NRG1: variants seen among roughly 807,000 people sequenced by gnomAD.
The protein encoded by NRG1 is neuregulin 1, also known as pro-neuregulin-1, membrane-bound isoform.
Under a neutral mutation model 63.8 loss-of-function variants are expected in NRG1, and 18 were observed. The ratio of observed to expected loss-of-function variants is 0.28; its 90% CI spans 0.19 to 0.42. The LOEUF (loss-of-function observed/expected upper bound fraction) is 0.42, where lower values mean the gene tolerates loss of function less well. Ranked by LOEUF, NRG1 falls within the 10% of genes least tolerant of loss-of-function variation. The probability of loss-of-function intolerance (pLI) is 1.00; values close to 1 mark genes in which losing one functional copy is unlikely to be tolerated. For synonymous variants in NRG1, 302 were observed against 301.3 expected, an observed-to-expected ratio of 1.00 and a Z score of -0.02; for missense variants, 762 against 814.7, an observed-to-expected ratio of 0.94 and a Z score of 0.79.
chr8:31,739,743 G>T (rs116990959), intron 1 of NRG1, among the ~76,000 whole-genome samples: 1 of 152,036 alleles, frequency 6.6e-6, no homozygotes, highest in Admixed American at 6.6e-5. Context: ...TTTGATGCTC[G>T]TGTTGTCAGT....
chr8:32,571,540 C>A (rs188296510), intron 1 of NRG1, among the ~76,000 whole-genome samples: 2 of 151,932 alleles, frequency 1.3e-5, no homozygotes, highest in South Asian at 2.1e-4. Flanking sequence ...CCTTCATGTA[C>A]GAATTTTAGA....
chr8:32,104,059 A>G lies in NRG1; in HGVS notation c.37+464628A>G, dbSNP rs527569558. ...ACATGTGGTGCTTAACGACAGGGAT[A>G]CTTTGATAAATGCATTATTAGACTA... On this transcript the variant is annotated intron_variant, in intron 1 of 10. Transcript: ENST00000519301. Among the ~76,000 whole-genome samples the G allele has an allele frequency of 3.9e-5, 6 of 152,300 alleles. No individual in the cohort carries two copies. In the South Asian group the frequency reaches 8.3e-4, roughly 21 times the overall value.
chr8:32,265,982 G>A (rs532088086), intron 1 of NRG1, among the ~76,000 whole-genome samples: 3 of 152,228 alleles, frequency 2.0e-5, no homozygotes, highest in Non-Finnish European at 4.4e-5. Context: ...CAAATACTAC[G>A]CCGTTTTACA....
intron 1 of NRG1, among the ~76,000 whole-genome samples, chr8:31,779,240 G>A (rs1309904348): frequency 6.6e-6 from 1 of 152,120 alleles, no homozygotes; most frequent in Non-Finnish European, 1.5e-5. Flanking sequence ...TGCTATGTGT[G>A]CAAAGGACCT....
intron 1 of NRG1, among the ~76,000 whole-genome samples, chr8:32,256,100 C>T (rs2129471125): frequency 6.6e-6 from 1 of 152,226 alleles, no homozygotes; most frequent in South Asian, 2.1e-4. Context: ...TTCTAGTAAG[C>T]AATTCCTCTA....
At chr8:32,011,089 G>A (rs930344078) in intron 1 of NRG1, among the ~76,000 whole-genome samples, 3 of 152,060 alleles carry the variant, frequency 2.0e-5, no homozygotes, top group African/African-American at 7.2e-5. Flanking sequence ...GGTGGGAAAT[G>A]GCAGACACAT....
intron 1 of NRG1, among the ~76,000 whole-genome samples, chr8:32,169,658 C>T (rs923026889): frequency 2.6e-5 from 4 of 152,138 alleles, no homozygotes; most frequent in African/African-American, 9.7e-5. Context: ...TTAATTCTAA[C>T]TAAAAGCCCA....
chr8:32,271,183 A>G (rs917586654), intron 1 of NRG1, among the ~76,000 whole-genome samples: 9 of 152,174 alleles, frequency 5.9e-5, no homozygotes, highest in Admixed American at 5.9e-4. Flanking sequence ...GCGTGAATAT[A>G]TATGCCACAG....
chr8:31,850,443 G>A (rs1827103803), intron 1 of NRG1, among the ~76,000 whole-genome samples: 1 of 152,048 alleles, frequency 6.6e-6, no homozygotes, highest in Non-Finnish European at 1.5e-5. Flanking sequence ...GTGACCTGAG[G>A]GTCCATGGCA....
In NRG1 at chr8:31,794,984, G is replaced by A. The variant is rs1311977327; in HGVS notation, c.37+155553G>A. 2.0e-5 allele frequency among the ~76,000 whole-genome samples: 3 copies of A among 152,084 alleles called. No individual in the cohort carries two copies. In the East Asian group the frequency reaches 5.8e-4, roughly 29 times the overall value. On this transcript the variant is annotated intron_variant, in intron 1 of 10. Transcript: ENST00000519301. ...CAGGCAGCTAATTTTTGTATTTTTA[G>A]TAGAGGTGGAGTTTCACCATGTTGG...
intron 1 of NRG1, among the ~76,000 whole-genome samples, chr8:31,693,000 T>C (rs1390283344): frequency 2.0e-5 from 3 of 152,244 alleles, no homozygotes; most frequent in African/African-American, 7.2e-5. Context: ...AGGGAAGTTA[T>C]GCAAAGCTTA....
In NRG1 at chr8:31,801,458, T is replaced by C. The variant is rs554059403; in HGVS notation, c.37+162027T>C. Among the ~76,000 whole-genome samples the C allele has an allele frequency of 2.9e-4, 44 of 152,342 alleles. No homozygotes were observed. In the South Asian group the frequency reaches 9.1e-3, roughly 32 times the overall value. ...TTTTCTGTTTAAATATAAAGTATTT[T>C]TCTCATTTGTCGCTGTAACATAATC... On this transcript the variant is annotated intron_variant, in intron 1 of 10. Coordinates refer to the NRG1 transcript ENST00000519301.
chr8:32,285,472 G>T (rs1385403605), intron 1 of NRG1, among the ~76,000 whole-genome samples: 1 of 152,160 alleles, frequency 6.6e-6, no homozygotes, highest in East Asian at 1.9e-4. Context: ...GCATCCAAGG[G>T]ACTTGACCAA....
chr8:31,985,468 G>A lies in NRG1; in HGVS notation c.37+346037G>A, dbSNP rs192328433. ...CACATTTCATGGTCACTAAAAGAAG[G>A]GTGCAATTTAATGTATGATGTTACC... On this transcript the variant is annotated intron_variant, in intron 1 of 10. Coordinates refer to the NRG1 transcript ENST00000519301. Among the ~76,000 whole-genome samples the A allele has an allele frequency of 2.3e-3, 349 of 151,954 alleles. 5 individuals carry two copies. The highest frequency in any genetic ancestry group is 5.2e-4 in the Non-Finnish European group (35 of 67,926).
intron 1 of NRG1, among the ~76,000 whole-genome samples, chr8:31,820,598 C>T (rs79835566): frequency 0.14 from 21,679 of 152,102 alleles, 2,013 homozygotes; most frequent in Non-Finnish European, 0.19. Context: ...ATCAATAGTA[C>T]CTAGTACATT....
At chr8:31,771,036 A>G (rs184011959) in intron 1 of NRG1, among the ~76,000 whole-genome samples, 66 of 152,196 alleles carry the variant, frequency 4.3e-4, no homozygotes, top group African/African-American at 1.4e-3. Flanking sequence ...CCTTTATAGC[A>G]TATGGTTCAC....
At chr8:32,397,156 A>G (rs1812541418) in intron 1 of NRG1, among the ~76,000 whole-genome samples, 1 of 151,998 alleles carries the variant, frequency 6.6e-6, no homozygotes, top group Non-Finnish European at 1.5e-5. Flanking sequence ...ACATAGATAG[A>G]TAATCTATAG....
intron 1 of NRG1, among the ~76,000 whole-genome samples, chr8:31,936,247 T>A (rs925152866): frequency 6.6e-6 from 1 of 152,220 alleles, no homozygotes; most frequent in African/African-American, 2.4e-5. Context: ...ACAATAAATG[T>A]TTACTTAACA....
chr8:31,647,189 T>G (rs1804371439), intron 1 of NRG1, among the ~76,000 whole-genome samples: 1 of 152,248 alleles, frequency 6.6e-6, no homozygotes, highest in South Asian at 2.1e-4. Flanking sequence ...CTCAGTACTG[T>G]AAGTGATACT....
Sources: gnomAD v4.1 joint callset for allele counts (sites outside exome capture counted in the v4.1 genomes callset) on GRCh38, gnomAD v4.1.1 for gene constraint, MANE v1.5 for transcripts, NCBI Gene and HGNC (gene_info 2026-07-23, HGNC 2026-07-21) for gene names.